JPH3: variants seen among roughly 807,000 people sequenced by gnomAD.
The protein encoded by JPH3 is junctophilin-3.
A neutral mutation model predicts 59.6 loss-of-function variants in JPH3; 11 were observed. The observed-to-expected ratio is 0.18, with a 90% CI of 0.12 to 0.31. JPH3 has a LOEUF of 0.31. Among genes scored for constraint, JPH3 ranks in the 10% least tolerant of loss-of-function variants. JPH3 has a pLI of 1.00. For missense variants in JPH3, 1,202 were observed against 1,105.7 expected, an observed-to-expected ratio of 1.09 and a Z score of -1.24; for synonymous variants, 673 against 483.6, an observed-to-expected ratio of 1.39 and a Z score of -5.14.
intron 2 of JPH3, chr16:87,654,814 C>G (rs1016242386): frequency 6.6e-6 from 1 of 152,286 alleles, no homozygotes; most frequent in Non-Finnish European, 1.5e-5. Flanking sequence ...AGATGCTGCT[C>G]CCGTGGGCTC....
intron 2 of JPH3, chr16:87,654,824 C>G (rs954574457): frequency 6.6e-6 from 1 of 152,284 alleles, no homozygotes; most frequent in Non-Finnish European, 1.5e-5. Flanking sequence ...CCCGTGGGCT[C>G]TGACCACCGC....
intron 1 of JPH3, among the ~76,000 whole-genome samples, chr16:87,640,972 A>T (rs1291960845): frequency 1.3e-5 from 2 of 152,198 alleles, no homozygotes; most frequent in African/African-American, 4.8e-5. Flanking sequence ...CACCGAGCCT[A>T]GTTCCAGTTT....
At chr16:87,614,798 A>G (rs867362184) in intron 1 of JPH3, among the ~76,000 whole-genome samples, 40 of 139,108 alleles carry the variant, frequency 2.9e-4, no homozygotes, top group African/African-American at 1.0e-3. Flanking sequence ...GTCCTCTCCC[A>G]GGATAAACGC....
chr16:87,663,088 T>G (rs2032756095), intron 2 of JPH3, among the ~76,000 whole-genome samples: 1 of 151,622 alleles, frequency 6.6e-6, no homozygotes, highest in Non-Finnish European at 1.5e-5. Context: ...GATTTCCTGG[T>G]TGTATTGTTT....
At chr16:87,679,782 C>A (rs1047039887) in intron 2 of JPH3, among the ~76,000 whole-genome samples, 8 of 152,236 alleles carry the variant, frequency 5.3e-5, no homozygotes, top group South Asian at 2.1e-4. Context: ...CCTCTCTTAC[C>A]CCAGTTCTCC....
rs900571137 is a variant in JPH3 at position 87,692,632 on chromosome 16, G to A, written c.2166+2106G>A. ...ACAGATGGGCCTGGGATTCTGGCCC[G>A]TGTAGGGCCCTGGCAATTCAGGGTA... On this transcript the variant is annotated intron_variant, in intron 4 of 4. Transcript: ENST00000284262. Among the ~76,000 whole-genome samples the A allele has an allele frequency of 5.3e-5, 8 of 152,300 alleles. No homozygotes were observed. In the East Asian group the frequency reaches 7.7e-4, roughly 15 times the overall value.
chr16:87,690,355 C>A lies in JPH3; in HGVS notation c.1995C>A (p.Phe665Leu), dbSNP rs746997088. Residue 665 changes from phenylalanine (F) to leucine (L), a missense_variant, in exon 4 of 5, where the codon TTC becomes TTA. By Grantham distance (22) the Phe-to-Leu change is conservative (BLOSUM62 0). Coordinates refer to ENST00000284262, the MANE Select transcript of JPH3 (RefSeq NM_020655.4). The part of the protein sequence containing the change: ...LRSKAQNKEN[F>L]RPASSAEPAV... Reference sequence around the variant, plus strand: ...CCAAGGCCCAGAACAAGGAGAACTTCAGGCCGGCCTCCTCCGCGGAGCCCG... The same window carrying A: ...CCAAGGCCCAGAACAAGGAGAACTTAAGGCCGGCCTCCTCCGCGGAGCCCG... 1.9e-6 allele frequency: 3 copies of A among 1,563,046 alleles called. No individual in the cohort carries two copies. Among genetic ancestry groups the A allele is most frequent in the Non-Finnish European group, 2.6e-6 (3 of 1,156,804 alleles).
intron 4 of JPH3, among the ~76,000 whole-genome samples, chr16:87,690,907 T>C (rs1015583743): frequency 1.3e-5 from 2 of 152,168 alleles, no homozygotes; most frequent in African/African-American, 4.8e-5. Flanking sequence ...TCCTGTGTCC[T>C]GGATAGGAAC....
rs142136496 is a variant in JPH3 at position 87,644,608 on chromosome 16, C to T, written c.733C>T (p.Arg245Cys). The T allele has an allele frequency of 2.4e-5, 39 of 1,612,660 alleles. No individual in the cohort carries two copies. Among genetic ancestry groups the T allele is most frequent in the South Asian group, 1.9e-4 (17 of 91,084 alleles). The change falls in exon 2 of 5, where the codon CGC becomes TGC. Residue 245 changes from arginine (R) to cysteine (C), a missense_variant. Arg to Cys is a radical substitution (Grantham distance 180, BLOSUM62 -3). Transcript: ENST00000284262. ...ASQRSKQSSF[R>C]SEAGMSTVSS... is the part of the protein sequence containing the mutation. Reference sequence around the variant, plus strand: ...CCAACGCAGCAAGCAGAGCTCCTTTCGCAGCGAGGCGGGCATGAGCACCGT... The same window carrying T: ...CCAACGCAGCAAGCAGAGCTCCTTTTGCAGCGAGGCGGGCATGAGCACCGT...
intron 1 of JPH3, among the ~76,000 whole-genome samples, chr16:87,606,798 C>T (rs1015929883): frequency 2.0e-5 from 3 of 152,212 alleles, no homozygotes; most frequent in African/African-American, 7.2e-5. Context: ...AACATCTGGA[C>T]AGGAGACTGG....
At chr16:87,664,031 G>C (rs545507362) in intron 2 of JPH3, among the ~76,000 whole-genome samples, 1 of 152,118 alleles carries the variant, frequency 6.6e-6, no homozygotes. Flanking sequence ...AGTACTCAGG[G>C]GTTAAAAATC....
Position 87,603,350 on chromosome 16 carries a change from C to T in JPH3, c.204C>T (p.Gly68=). The change falls in exon 1 of 5, where the codon GGC becomes GGT. Residue 68 remains glycine, a synonymous_variant. Transcript: ENST00000284262. Reference sequence around the variant, plus strand: ...CGTACCAGGGCACCTGGGCGCAGGGCAAGCGCCACGGCATCGGCCTGGAGA... The same window carrying T: ...CGTACCAGGGCACCTGGGCGCAGGGTAAGCGCCACGGCATCGGCCTGGAGA... The part of the protein sequence containing the change: ...GNTYQGTWAQ[G]KRHGIGLESK... 1 of 1,612,644 alleles carries T rather than the reference C, an allele frequency of 6.2e-7. No homozygotes were observed. The highest frequency in any genetic ancestry group is 8.5e-7 in the Non-Finnish European group (1 of 1,179,452).
intron 4 of JPH3, chr16:87,695,638 G>T (rs767820964): frequency 4.4e-6 from 2 of 456,042 alleles, no homozygotes; most frequent in Admixed American, 4.7e-5. Flanking sequence ...TCCAGGAGGC[G>T]TCCATTCCCT....
At chr16:87,623,229 G>A (rs1173268144) in intron 1 of JPH3, among the ~76,000 whole-genome samples, 1 of 152,214 alleles carries the variant, frequency 6.6e-6, no homozygotes, top group Non-Finnish European at 1.5e-5. Flanking sequence ...CTTGCTTTGA[G>A]CATCCCTCCC....
rs553991541 is a variant in JPH3, at chr16:87,652,893, T to C, written c.1160+7858T>C. Reference sequence around the variant, plus strand: ...ACCTCTGCCACTCTTCTTCCTGCCCTGCACCCACTACAGACACAGCTAATT... The same window carrying C: ...ACCTCTGCCACTCTTCTTCCTGCCCCGCACCCACTACAGACACAGCTAATT... On this transcript the variant is annotated intron_variant, in intron 2 of 4. Transcript: ENST00000284262. Among the ~76,000 whole-genome samples the C allele has an allele frequency of 5.3e-5, 8 of 152,380 alleles. No individual in the cohort carries two copies. The South Asian group carries it at 1.4e-3, about 28-fold the overall frequency.
At chr16:87,685,534 G>A (rs1316954067) in intron 3 of JPH3, among the ~76,000 whole-genome samples, 1 of 152,248 alleles carries the variant, frequency 6.6e-6, no homozygotes, top group African/African-American at 2.4e-5. Context: ...CACACTTGGG[G>A]GCACACGTGT....
chr16:87,638,581 AG>A (rs56082937), intron 1 of JPH3, among the ~76,000 whole-genome samples: 150,317 of 152,178 alleles, frequency 0.99, 74,268 homozygotes, highest in East Asian at 1. Flanking sequence ...AGGAGGGGAC[AG>A]GGGCAGGGCT....
intron 2 of JPH3, among the ~76,000 whole-genome samples, chr16:87,658,090 G>A (rs185845586): frequency 6.6e-6 from 1 of 152,204 alleles, no homozygotes; most frequent in East Asian, 1.9e-4. Context: ...GGCACCATGC[G>A]GCCCACGCTT....
intron 1 of JPH3, among the ~76,000 whole-genome samples, chr16:87,622,547 G>C (rs184285363): frequency 6.6e-6 from 1 of 152,324 alleles, no homozygotes; most frequent in Non-Finnish European, 1.5e-5. Flanking sequence ...GCTCCCCTCT[G>C]TGAGGCTGTG....
Sources: gnomAD v4.1 joint callset for allele counts (sites outside exome capture counted in the v4.1 genomes callset) on GRCh38, gnomAD v4.1.1 for gene constraint, MANE v1.5 for transcripts, NCBI Gene and HGNC (gene_info 2026-07-23, HGNC 2026-07-21) for gene names.